CERS3: variants seen among roughly 807,000 people sequenced by gnomAD.
The protein encoded by CERS3 is LAG1 homolog, ceramide synthase 3.
Under a neutral mutation model 50.3 loss-of-function variants are expected in CERS3, and 33 were observed. The observed-to-expected ratio is 0.66, with a 90% CI of 0.50 to 0.88. The LOEUF (loss-of-function observed/expected upper bound fraction) is 0.88. CERS3 is among the 40% of genes least tolerant of loss of function. CERS3 has a pLI of 0.00. For synonymous variants in CERS3, 176 were observed against 155.2 expected, an observed-to-expected ratio of 1.13 and a Z score of -0.99; for missense variants, 470 against 460.3, an observed-to-expected ratio of 1.02 and a Z score of -0.19.
intron 11 of CERS3, among the ~76,000 whole-genome samples, chr15:100,454,956 A>G (rs2034312242): frequency 6.6e-6 from 1 of 152,188 alleles, no homozygotes; most frequent in Non-Finnish European, 1.5e-5. Flanking sequence ...GAAAAAACAT[A>G]CAGTGGCCAA....
chr15:100,449,726 C>T (rs1190859139), intron 11 of CERS3, among the ~76,000 whole-genome samples: 1 of 152,224 alleles, frequency 6.6e-6, no homozygotes, highest in East Asian at 1.9e-4. Context: ...ACTGCAAGTA[C>T]ATCTTCAGGA....
At chr15:100,451,954 C>T (rs557001191) in intron 11 of CERS3, among the ~76,000 whole-genome samples, 2 of 152,016 alleles carry the variant, frequency 1.3e-5, no homozygotes, top group South Asian at 2.1e-4. Flanking sequence ...ATATGTGTAG[C>T]CAACAATAGA....
intron 11 of CERS3, among the ~76,000 whole-genome samples, chr15:100,429,095 T>A (rs1369348944): frequency 6.6e-6 from 1 of 152,196 alleles, no homozygotes; most frequent in African/African-American, 2.4e-5. Flanking sequence ...ATTTCACAGG[T>A]CATGGTCAGA....
intron 8 of CERS3, among the ~76,000 whole-genome samples, chr15:100,475,279 G>A (rs2035090730): frequency 6.6e-6 from 1 of 152,174 alleles, no homozygotes; most frequent in African/African-American, 2.4e-5. Context: ...GTTGACTGCA[G>A]TGTGTCCCTT....
chr15:100,533,540 C>T (rs2036993784), upstream of CERS3, among the ~76,000 whole-genome samples: 1 of 148,030 alleles, frequency 6.8e-6, no homozygotes. Context: ...TTCCTTCTTT[C>T]CTTCCTTCCT....
intron 3 of CERS3, among the ~76,000 whole-genome samples, chr15:100,494,738 A>G (rs997898773): frequency 2.0e-5 from 3 of 152,110 alleles, no homozygotes; most frequent in Non-Finnish European, 2.9e-5. Flanking sequence ...GCAGTAAGCA[A>G]CTCTGCCTTA....
At chr15:100,407,035 C>T (rs954957830) in intron 11 of CERS3, among the ~76,000 whole-genome samples, 1 of 152,138 alleles carries the variant, frequency 6.6e-6, no homozygotes, top group Non-Finnish European at 1.5e-5. Context: ...GGGAAAGACC[C>T]ACTCCCATGA....
chr15:100,400,895 G>A lies in CERS3; in HGVS notation c.*1818C>T, dbSNP rs1471732741. 3 of 152,022 alleles carry A rather than the reference G, an allele frequency of 2.0e-5. No homozygotes were observed. Among genetic ancestry groups the A allele is most frequent in the African/African-American group, 7.2e-5 (3 of 41,396 alleles). 9.4% of individuals were successfully genotyped at this position (152,022 alleles called of 1,614,324 possible). On this transcript the variant is annotated 3_prime_UTR_variant, in exon 12 of 12. Coordinates refer to ENST00000679737, the MANE Select transcript of CERS3 (RefSeq NM_001378789.1). ...ATTTTGATTTATAATATCATATTAT[G>A]CATATAATGCATATGATATTGTCCT...
chr15:100,429,232 G>A (rs116647732), intron 11 of CERS3, among the ~76,000 whole-genome samples: 1,993 of 152,268 alleles, frequency 0.013, 58 homozygotes, highest in African/African-American at 0.046. Context: ...GGGGGAGCTG[G>A]TTTCTATAGC....
intron 11 of CERS3, among the ~76,000 whole-genome samples, chr15:100,403,893 A>T (rs1171062286): frequency 6.6e-6 from 1 of 152,246 alleles, no homozygotes; most frequent in Non-Finnish European, 1.5e-5. Context: ...TTATTTTATG[A>T]GGCCAGAATT....
At chr15:100,454,888 A>ATAAT in intron 11 of CERS3, among the ~76,000 whole-genome samples, 1 of 152,214 alleles carries the variant, frequency 6.6e-6, no homozygotes, top group South Asian at 2.1e-4. Context: ...CAACAACAAC[A>ATAAT]AATAATAATG....
rs775122694 is a variant in CERS3, at chr15:100,426,380, TTACA to T, written c.1000-23519_1000-23516del. ...ACATTTATATATCAGCTCATATCAC[TTACA>T]TAAAGTTTTAAAATACAGAAAATAA... On this transcript the variant is annotated intron_variant, in intron 11 of 11. Transcript: ENST00000679737. Among the ~76,000 whole-genome samples, 113 of 152,314 alleles carry T rather than the reference TTACA, an allele frequency of 7.4e-4. No homozygotes were observed. In the Middle Eastern group the frequency reaches 0.014, roughly 18 times the overall value.
intron 11 of CERS3, among the ~76,000 whole-genome samples, chr15:100,449,880 A>G (rs542333453): frequency 4.6e-5 from 7 of 152,220 alleles, no homozygotes; most frequent in Non-Finnish European, 8.8e-5. Flanking sequence ...ATTCTCCAGC[A>G]ACAGGTTCCA....
intron 3 of CERS3, among the ~76,000 whole-genome samples, chr15:100,497,825 T>A (rs754155113): frequency 1.3e-5 from 2 of 150,622 alleles, no homozygotes; most frequent in Non-Finnish European, 3.0e-5. Flanking sequence ...GACTTAATGA[T>A]TTTTGTTTTA....
At chr15:100,485,189 A>G (rs1350990527) in intron 4 of CERS3, among the ~76,000 whole-genome samples, 2 of 152,224 alleles carry the variant, frequency 1.3e-5, no homozygotes, top group Non-Finnish European at 1.5e-5. Context: ...AATGCAGGAA[A>G]AACTCCAACC....
At chr15:100,430,583 A>T (rs1193035643) in intron 11 of CERS3, among the ~76,000 whole-genome samples, 2 of 152,190 alleles carry the variant, frequency 1.3e-5, no homozygotes, top group South Asian at 4.1e-4. Context: ...GAAGATTGTG[A>T]ATTACTCATA....
chr15:100,455,863 T>A (rs760256000), intron 11 of CERS3, 30 bp downstream of exon 11: 14 of 1,506,334 alleles, frequency 9.3e-6, no homozygotes, highest in Non-Finnish European at 1.3e-5. Flanking sequence ...GCAATGACAT[T>A]AAGAGCAATA....
rs189562245 is a variant in CERS3, at chr15:100,497,603, T to C, written c.173+4074A>G. 2.1e-3 allele frequency among the ~76,000 whole-genome samples: 325 copies of C among 152,122 alleles called. 1 individual carries two copies. The highest frequency in any genetic ancestry group is 3.5e-3 in the South Asian group (17 of 4,818). The stretch of plus-strand genomic sequence containing the variant: ...AAAATAGAATTAAACCAAAGATTTA[T>C]ACAGTAAGGAAACAAAACTAATCTC... On this transcript the variant is annotated intron_variant, in intron 3 of 11. Transcript: ENST00000679737.
rs140794957 is a variant in CERS3 at position 100,476,797 on chromosome 15, A to G, written c.517-619T>C. 1.3e-4 allele frequency among the ~76,000 whole-genome samples: 20 copies of G among 152,338 alleles called. 1 individual carries two copies. In the East Asian group the frequency reaches 3.9e-3, roughly 29 times the overall value. On this transcript the variant is annotated intron_variant, in intron 7 of 11. Coordinates refer to ENST00000679737, the MANE Select transcript of CERS3 (RefSeq NM_001378789.1). ...GACATTATATTACTTAGTGTACCCA[A>G]TGAATGTTGCCTTCTGATATCTAAG... is the stretch of plus-strand genomic sequence containing the variant.
Sources: allele counts gnomAD v4.1 joint callset (sites outside exome capture counted in the v4.1 genomes callset), GRCh38; gene constraint gnomAD v4.1.1; transcripts MANE v1.5; gene names NCBI Gene and HGNC (gene_info 2026-07-23, HGNC 2026-07-21).